The following NAF1 variants were observed in gnomAD, a reference collection of about 807,000 sequenced individuals.
The protein encoded by NAF1 is H/ACA ribonucleoprotein complex non-core subunit NAF1.
In NAF1, 11 loss-of-function variants were observed where a neutral mutation model predicts 40.6. The ratio of observed to expected loss-of-function variants is 0.27; its 90% confidence interval spans 0.17 to 0.45. The LOEUF is 0.45. Among genes scored for constraint, NAF1 ranks in the 20% least tolerant of loss-of-function variants. The probability of loss-of-function intolerance (pLI) is 1.00; values close to 1 mark genes in which losing one functional copy is unlikely to be tolerated. For synonymous variants in NAF1, 260 were observed against 228.5 expected (o/e 1.14, Z -1.24); for missense variants, 607 against 611.1 (o/e 0.99, Z 0.07).
chr4:163,133,982 T>C (rs1730965444), intron 6 of NAF1, among the ~76,000 whole-genome samples: 1 of 152,172 alleles, frequency 6.6e-6, no homozygotes, highest in African/African-American at 2.4e-5. Context: ...CTGATCAACA[T>C]GGCAAAGGCT....
chr4:163,126,882 CTG>C (rs1730671364), downstream of NAF1: 10 of 1,440,488 alleles, frequency 6.9e-6, no homozygotes, highest in Non-Finnish European at 9.1e-6. Context: ...AGCTAAAAGA[CTG>C]TAACTCACTG....
At chr4:163,107,484 TTC>T (rs1162359137), downstream of NAF1, among the ~76,000 whole-genome samples, 1 of 152,184 alleles carries the variant, frequency 6.6e-6, no homozygotes, top group African/African-American at 2.4e-5. Context: ...CTTTCCCTCT[TTC>T]TGTTTCAGGT....
At chr4:163,153,575 A>G (rs1436997808) in intron 2 of NAF1, among the ~76,000 whole-genome samples, 1 of 152,138 alleles carries the variant, frequency 6.6e-6, no homozygotes, top group Non-Finnish European at 1.5e-5. Flanking sequence ...GAATGCACCA[A>G]TCGACACTCT....
intron 2 of NAF1, chr4:163,157,078 C>G (rs1452042053): frequency 6.6e-6 from 1 of 152,086 alleles, no homozygotes; most frequent in Non-Finnish European, 1.5e-5. Flanking sequence ...TAAACATCCC[C>G]AAACACCACA....
In NAF1 at chr4:163,133,158, C is replaced by A; in HGVS notation, c.1029G>T (p.Glu343Asp). Residue 343 changes from glutamate to aspartate, a missense_variant, in exon 7 of 8, where the codon GAG becomes GAT. By Grantham distance (45) the Glu-to-Asp change is conservative. Coordinates refer to ENST00000274054, the MANE Select transcript of NAF1 (RefSeq NM_138386.3). ...GRKKLKSEFNEPGEDFTEVHQ... is the reference protein window; with the variant it reads ...GRKKLKSEFNDPGEDFTEVHQ... ...ATATATATTGTATTCACTCACCAGG[C>A]TCATTAAATTCAGATTTGAGTTTTT... 1 of 1,611,574 alleles carries A rather than the reference C, an allele frequency of 6.2e-7. No homozygotes were observed. Among genetic ancestry groups the A allele is most frequent in the Non-Finnish European group, 8.5e-7 (1 of 1,177,882 alleles).
rs1290875368 is a variant in NAF1, at chr4:163,130,833, A to G, written c.1034-1485T>C. Among the ~76,000 whole-genome samples, 4 of 152,246 alleles carry G rather than the reference A, an allele frequency of 2.6e-5. No homozygotes were observed. The East Asian group carries it at 7.7e-4, about 29-fold the overall frequency. ...TCAATGTAAAATGCAGAATTACAAA[A>G]TTCCTAAAAGATAACATAGAAGAAA... On this transcript the variant is annotated intron_variant, in intron 7 of 7. Coordinates refer to ENST00000274054, the MANE Select transcript of NAF1 (RefSeq NM_138386.3).
intron 2 of NAF1, among the ~76,000 whole-genome samples, chr4:163,118,108 C>G (rs1009936286): frequency 3.9e-5 from 6 of 151,978 alleles, no homozygotes; most frequent in African/African-American, 1.5e-4. Flanking sequence ...TTGTGAAATA[C>G]TTTCAAGTCA....
At chr4:163,135,025 T>C (rs1731002160) in intron 6 of NAF1, 2 of 152,206 alleles carry the variant, frequency 1.3e-5, no homozygotes, top group African/African-American at 4.8e-5. Flanking sequence ...AATTCAAATT[T>C]CCATTCATTA....
At chr4:163,116,409 TGAGA>T (rs957936186) in intron 2 of NAF1, among the ~76,000 whole-genome samples, 6 of 152,160 alleles carry the variant, frequency 3.9e-5, no homozygotes, top group South Asian at 2.1e-4. Context: ...TGTGTGTGTG[TGAGA>T]GAGAGATCTG....
At chr4:163,127,301 T>C (rs903133616), downstream of NAF1, among the ~76,000 whole-genome samples, 2 of 151,992 alleles carry the variant, frequency 1.3e-5, no homozygotes, top group African/African-American at 4.8e-5. Context: ...GGCTAATTTT[T>C]GTATTTTTAC....
At chr4:163,113,193 G>A (rs1474948031) in intron 2 of NAF1, among the ~76,000 whole-genome samples, 15 of 152,092 alleles carry the variant, frequency 9.9e-5, no homozygotes. Context: ...TATATAGATA[G>A]TTCCAGAATA....
downstream of NAF1, among the ~76,000 whole-genome samples, chr4:163,107,308 C>A (rs1180661542): frequency 1.3e-5 from 2 of 152,128 alleles, no homozygotes; most frequent in Admixed American, 1.3e-4. Flanking sequence ...TTGCTACTTA[C>A]GTCATTTTGC....
intron 4 of NAF1, among the ~76,000 whole-genome samples, chr4:163,142,813 C>T (rs1288617958): frequency 6.6e-6 from 1 of 152,146 alleles, no homozygotes; most frequent in Non-Finnish European, 1.5e-5. Context: ...TTTAGATTGA[C>T]TAACACCTGA....
chr4:163,138,940 C>T (rs1363414698), intron 5 of NAF1, among the ~76,000 whole-genome samples: 1 of 151,988 alleles, frequency 6.6e-6, no homozygotes, highest in Non-Finnish European at 1.5e-5. Context: ...ATCTTGAAGA[C>T]TTTATGTGTA....
In NAF1 at chr4:163,153,838, C is replaced by T. The variant is rs553392240; in HGVS notation, c.541-5404G>A. Among the ~76,000 whole-genome samples the T allele has an allele frequency of 2.6e-5, 4 of 152,266 alleles. No individual in the cohort carries two copies. The East Asian group carries it at 7.7e-4, about 29-fold the overall frequency. On this transcript the variant is annotated intron_variant, in intron 2 of 7. Coordinates refer to ENST00000274054, the MANE Select transcript of NAF1 (RefSeq NM_138386.3). ...CGGGTCCCCTTCCACACCGTGGAAG[C>T]TTTGTTCTTTCGCTCTTTGCAATAA...
chr4:163,146,660 T>C (rs1242311630), intron 3 of NAF1, among the ~76,000 whole-genome samples: 1 of 152,222 alleles, frequency 6.6e-6, no homozygotes, highest in Non-Finnish European at 1.5e-5. Context: ...ATTTTAACAG[T>C]GGATACTTCA....
intron 2 of NAF1, among the ~76,000 whole-genome samples, chr4:163,150,068 T>C (rs1001544102): frequency 2.6e-5 from 4 of 152,108 alleles, no homozygotes; most frequent in African/African-American, 9.7e-5. Flanking sequence ...TTGAGTACTT[T>C]TGGATTGGGA....
At chr4:163,136,353 A>G (rs1235533404) in intron 6 of NAF1, 1 of 151,076 alleles carries the variant, frequency 6.6e-6, no homozygotes, top group Admixed American at 6.6e-5. Context: ...AAACAAAAAA[A>G]AAACTGTAAT....
At chr4:163,136,318 T>C (rs1469788567) in intron 6 of NAF1, 1 of 144,620 alleles carries the variant, frequency 6.9e-6, no homozygotes, top group Non-Finnish European at 1.5e-5. Context: ...GAGACCCCCA[T>C]GTCTATATTT....
Sources: gnomAD v4.1 joint callset for allele counts (sites outside exome capture counted in the v4.1 genomes callset) on GRCh38, gnomAD v4.1.1 for gene constraint, MANE v1.5 for transcripts, NCBI Gene and HGNC (gene_info 2026-07-23, HGNC 2026-07-21) for gene names.